ADGRL2: variants seen among roughly 807,000 people sequenced by gnomAD.
The protein encoded by ADGRL2 is adhesion G protein-coupled receptor L2.
ADGRL2 carries 44 observed loss-of-function variants against 157.4 expected under a neutral mutation model. The observed-to-expected ratio is 0.28, with a 90% confidence interval of 0.22 to 0.36. ADGRL2 has a LOEUF of 0.36. Among genes scored for constraint, ADGRL2 ranks in the 10% least tolerant of loss-of-function variants. ADGRL2 has a pLI of 1.00. For missense variants in ADGRL2, 1,510 were observed against 1,768.9 expected (o/e 0.85, Z 2.63); for synonymous variants, 585 against 624.7 (o/e 0.94, Z 0.95).
At chr1:81,391,260 C>G (rs546874584) in intron 1 of ADGRL2, among the ~76,000 whole-genome samples, 154 of 152,260 alleles carry the variant, frequency 1.0e-3, no homozygotes, top group African/African-American at 3.3e-3. Context: ...GTGCTTGTGG[C>G]ACTTGTGCTA....
intron 1 of ADGRL2, among the ~76,000 whole-genome samples, chr1:81,323,731 G>C (rs565083509): frequency 6.6e-6 from 1 of 152,176 alleles, no homozygotes; most frequent in East Asian, 1.9e-4. Context: ...GTCAAGGAAG[G>C]CTTCTTTGAA....
chr1:81,784,727 C>CAA (rs375897514), intron 2 of ADGRL2, among the ~76,000 whole-genome samples: 12,482 of 110,022 alleles, frequency 0.11, 795 homozygotes, highest in Non-Finnish European at 0.13. Flanking sequence ...GACCCCGTCT[C>CAA]AAAAAAAAAA....
At chr1:81,774,279 T>C (rs1180727080) in intron 2 of ADGRL2, among the ~76,000 whole-genome samples, 1 of 152,236 alleles carries the variant, frequency 6.6e-6, no homozygotes, top group African/African-American at 2.4e-5. Context: ...TATCTTAGTT[T>C]AGGCTTTATT....
chr1:81,408,348 A>ATT (rs1281206439), intron 1 of ADGRL2, among the ~76,000 whole-genome samples: 1 of 152,130 alleles, frequency 6.6e-6, no homozygotes, highest in Non-Finnish European at 1.5e-5. Context: ...ATTTCTTCTC[A>ATT]TAGTAGGTAG....
rs537162524 is a variant in ADGRL2 at position 81,329,862 on chromosome 1, G to A, written c.-302+23353G>A. On this transcript the variant is annotated intron_variant, in intron 1 of 24. Coordinates refer to the ADGRL2 transcript ENST00000370721. ...ATTCTGCCTCAACTGAAACATTATC[G>A]TTACCAGTACATTAATATATTGCTC... Among the ~76,000 whole-genome samples the A allele has an allele frequency of 2.0e-4, 31 of 152,114 alleles. No individual in the cohort carries two copies. The South Asian group carries it at 2.3e-3, about 11-fold the overall frequency.
upstream of ADGRL2, among the ~76,000 whole-genome samples, chr1:81,796,279 A>G (rs997328326): frequency 6.6e-6 from 1 of 152,144 alleles, no homozygotes; most frequent in African/African-American, 2.4e-5. Context: ...GTGAGCCACC[A>G]CACACTGCAG....
intron 1 of ADGRL2, among the ~76,000 whole-genome samples, chr1:81,438,211 G>A (rs1276570499): frequency 6.6e-6 from 1 of 152,146 alleles, no homozygotes; most frequent in African/African-American, 2.4e-5. Flanking sequence ...CTTTGAGATG[G>A]TAACAATGGA....
chr1:81,449,036 T>G (rs2077656875), intron 2 of ADGRL2, among the ~76,000 whole-genome samples: 1 of 152,232 alleles, frequency 6.6e-6, no homozygotes, highest in Non-Finnish European at 1.5e-5. Flanking sequence ...GTATAATAAA[T>G]TATGAATTTT....
At chr1:81,410,239 T>C (rs78696654) in intron 1 of ADGRL2, among the ~76,000 whole-genome samples, 6,257 of 152,300 alleles carry the variant, frequency 0.041, 135 homozygotes, top group Middle Eastern at 0.054. Context: ...CATACAATGA[T>C]TTGCTATCTA....
chr1:81,966,353 T>G, intron 12 of ADGRL2, 51 bp from the exon 13 acceptor site: 1 of 1,561,334 alleles, frequency 6.4e-7, no homozygotes, highest in Non-Finnish European at 8.8e-7. Context: ...TATCTTAGTT[T>G]ATTAACAAGC....
chr1:81,590,083 T>C (rs1054691066), intron 3 of ADGRL2, among the ~76,000 whole-genome samples: 35 of 152,136 alleles, frequency 2.3e-4, no homozygotes, highest in African/African-American at 8.2e-4. Flanking sequence ...GTGTGCAGTT[T>C]TCTGAGTAAA....
At chr1:81,352,187 T>C (rs1272924695) in intron 1 of ADGRL2, among the ~76,000 whole-genome samples, 8 of 152,362 alleles carry the variant, frequency 5.3e-5, no homozygotes, top group Middle Eastern at 3.4e-3. Context: ...TGAGCCCGGA[T>C]GCCCAAGTTA....
chr1:81,627,104 A>G (rs2081926194), intron 3 of ADGRL2, among the ~76,000 whole-genome samples: 1 of 151,922 alleles, frequency 6.6e-6, no homozygotes, highest in South Asian at 2.1e-4. Context: ...TATTATTATT[A>G]CTATTATTAT....
intron 1 of ADGRL2, among the ~76,000 whole-genome samples, chr1:81,726,513 C>T (rs148607608): frequency 1.3e-5 from 2 of 152,248 alleles, no homozygotes; most frequent in East Asian, 1.9e-4. Context: ...AACTAAATAG[C>T]CATGACTGTA....
chr1:81,801,789 C>T (rs2088198419), intron 1 of ADGRL2, among the ~76,000 whole-genome samples: 1 of 152,170 alleles, frequency 6.6e-6, no homozygotes, highest in African/African-American at 2.4e-5. Context: ...CCGGCGCCCT[C>T]CCGCCCGTCG....
At chr1:81,817,381 T>C (rs2090516270) in intron 1 of ADGRL2, among the ~76,000 whole-genome samples, 1 of 151,992 alleles carries the variant, frequency 6.6e-6, no homozygotes, top group Non-Finnish European at 1.5e-5. Flanking sequence ...TTCTATGAAT[T>C]TGAGTTTTAT....
intron 1 of ADGRL2, among the ~76,000 whole-genome samples, chr1:81,424,140 G>A (rs2077171617): frequency 6.6e-6 from 1 of 152,172 alleles, no homozygotes; most frequent in African/African-American, 2.4e-5. Context: ...AAAGGAGTCA[G>A]TGACACACCA....
At chr1:81,857,213 G>A (rs150219498) in intron 2 of ADGRL2, among the ~76,000 whole-genome samples, 22 of 152,258 alleles carry the variant, frequency 1.4e-4, no homozygotes, top group African/African-American at 4.6e-4. Flanking sequence ...TCATTCCCAG[G>A]TATGCCTGAC....
intron 2 of ADGRL2, among the ~76,000 whole-genome samples, chr1:81,765,366 A>G (rs1437592121): frequency 6.6e-6 from 1 of 152,044 alleles, no homozygotes; most frequent in Non-Finnish European, 1.5e-5. Context: ...TCTTGTCTAT[A>G]ACCAAAATCA....
Sources: allele counts gnomAD v4.1 joint callset (sites outside exome capture counted in the v4.1 genomes callset), GRCh38; gene constraint gnomAD v4.1.1; transcripts MANE v1.5; gene names NCBI Gene and HGNC (gene_info 2026-07-23, HGNC 2026-07-21).